DEPDC1B: variants seen among roughly 807,000 people sequenced by gnomAD.
DEPDC1B encodes DEP domain containing 1B, also known as DEP domain-containing protein 1B.
A neutral mutation model predicts 66.5 loss-of-function variants in DEPDC1B; 51 were observed. The ratio of observed to expected loss-of-function variants is 0.77; its 90% CI spans 0.61 to 0.97. The LOEUF (loss-of-function observed/expected upper bound fraction) is 0.97, where lower values mean the gene tolerates loss of function less well. Ranked by LOEUF, DEPDC1B falls within the 50% of genes least tolerant of loss-of-function variation. The pLI, the probability that DEPDC1B is intolerant of heterozygous loss-of-function variation, is 0.00. For missense variants in DEPDC1B, 552 were observed against 637.1 expected (o/e 0.87, Z 1.44); for synonymous variants, 226 against 223.6 (o/e 1.01, Z -0.10).
chr5:60,677,322 ACACACTCTCT>A lies in DEPDC1B; in HGVS notation c.314+9630_314+9639del, dbSNP rs1480891963. On this transcript the variant is annotated intron_variant, in intron 2 of 10. Transcript: ENST00000265036. The stretch of plus-strand genomic sequence containing the variant: ...CACACACACACACACACACACACAC[ACACACTCTCT>A]CTCTCTCTCTCTCTCTCTCTCTCTC... 6.0e-4 allele frequency among the ~76,000 whole-genome samples: 60 copies of A among 99,654 alleles called. 2 individuals are homozygous for A. Among genetic ancestry groups the A allele is most frequent in the African/African-American group, 3.4e-3 (59 of 17,134 alleles). 65.4% of individuals were successfully genotyped at this position (99,654 alleles called of 152,430 possible).
rs1428419189 is a variant in DEPDC1B at position 60,644,803 on chromosome 5, G to A, written c.651C>T (p.Ile217=). The A allele has an allele frequency of 6.2e-7, 1 of 1,611,338 alleles. No homozygotes were observed. Among genetic ancestry groups the A allele is most frequent in the Admixed American group, 1.7e-5 (1 of 59,786 alleles). The change falls in exon 5 of 11, where the codon ATC becomes ATT. Residue 217 remains isoleucine, a synonymous_variant. Coordinates refer to ENST00000265036, the MANE Select transcript of DEPDC1B (RefSeq NM_018369.3). ...LDVKLVNSKF[I]IHNVYSVSKQ... ...TGCTAACACTATATACATTATGGATGATGAACTTCGAATTGACAAGTTTGA... is the reference window on the plus strand; with the variant it reads ...TGCTAACACTATATACATTATGGATAATGAACTTCGAATTGACAAGTTTGA...
At chr5:60,686,883 C>G (rs1044843548) in intron 2 of DEPDC1B, 79 bp downstream of exon 2, 3 of 1,544,442 alleles carry the variant, frequency 1.9e-6, no homozygotes, top group Non-Finnish European at 2.7e-6. Flanking sequence ...TCTTACACAT[C>G]AGGAAGCTTC....
At chr5:60,670,671 G>A (rs757352455) in intron 2 of DEPDC1B, among the ~76,000 whole-genome samples, 41 of 152,186 alleles carry the variant, frequency 2.7e-4, no homozygotes, top group Non-Finnish European at 4.8e-4. Context: ...ACTCTATATG[G>A]CATTGTATCC....
intron 9 of DEPDC1B, among the ~76,000 whole-genome samples, chr5:60,602,147 C>T (rs1752210333): frequency 1.0e-5 from 1 of 98,838 alleles, no homozygotes; most frequent in Non-Finnish European, 1.8e-5. Context: ...AAGAAGGAAG[C>T]AGGGAAGGTG....
intron 7 of DEPDC1B, among the ~76,000 whole-genome samples, chr5:60,622,105 T>C (rs1584038076): frequency 6.6e-6 from 1 of 152,124 alleles, no homozygotes; most frequent in Non-Finnish European, 1.5e-5. Context: ...ACTACAAAAA[T>C]GTACCCATTT....
intron 2 of DEPDC1B, among the ~76,000 whole-genome samples, chr5:60,684,659 T>C (rs1754372478): frequency 1.3e-5 from 2 of 152,054 alleles, no homozygotes; most frequent in Non-Finnish European, 2.9e-5. Context: ...ACAGGGGAAA[T>C]GTTTCAAGGA....
chr5:60,700,108 A>C lies in DEPDC1B; in HGVS notation c.-15T>G, dbSNP rs1440055031. The C allele has an allele frequency of 1.9e-6, 3 of 1,545,098 alleles. No homozygotes were observed. The highest frequency in any genetic ancestry group is 1.2e-5 in the South Asian group (1 of 83,958). On this transcript the variant is annotated 5_prime_UTR_variant, in exon 1 of 11. Coordinates refer to ENST00000265036, the MANE Select transcript of DEPDC1B (RefSeq NM_018369.3). ...CGATGCTCCATGGCGCGTAGGCAGC[A>C]GCGGCCGCAGCCGCGCCAGCGCTGA...
chr5:60,603,647 A>G (rs1257157918), intron 8 of DEPDC1B, 80 bp from the exon 9 acceptor site: 1 of 1,403,056 alleles, frequency 7.1e-7, no homozygotes, highest in African/African-American at 1.4e-5. Flanking sequence ...CAAAAGGCAA[A>G]TATGAGAAAT....
intron 7 of DEPDC1B, among the ~76,000 whole-genome samples, chr5:60,619,746 A>G (rs1752657563): frequency 6.6e-6 from 1 of 152,246 alleles, no homozygotes; most frequent in African/African-American, 2.4e-5. Context: ...TGCCATCCCC[A>G]TCAAGCTACC....
In DEPDC1B at chr5:60,597,671, C is replaced by T; in HGVS notation, c.*82G>A. 3 of 1,420,164 alleles carry T rather than the reference C, an allele frequency of 2.1e-6. No individual in the cohort carries two copies. The highest frequency in any genetic ancestry group is 1.4e-5 in the South Asian group (1 of 73,830). 88.0% of individuals were successfully genotyped at this position (1,420,164 alleles called of 1,614,324 possible). Reference sequence around the variant, plus strand: ...CTTTGTTTTATGCTTTTCTTTCTTCCACCACCAAAGTCTTTCTCCTAACCA... The same window carrying T: ...CTTTGTTTTATGCTTTTCTTTCTTCTACCACCAAAGTCTTTCTCCTAACCA... On this transcript the variant is annotated 3_prime_UTR_variant, in exon 11 of 11. Coordinates refer to ENST00000265036, the MANE Select transcript of DEPDC1B (RefSeq NM_018369.3).
Position 60,676,129 on chromosome 5 carries a change from AC to A in DEPDC1B, c.314+10832del, listed in dbSNP as rs375386239. Among the ~76,000 whole-genome samples the A allele has an allele frequency of 3.2e-3, 483 of 151,160 alleles. 3 individuals are homozygous for A. The highest frequency in any genetic ancestry group is 0.011 in the African/African-American group (467 of 41,152). ...GTATTTTTAGTAAAGACGGGATTTC[AC>A]TGTGTTAGCCAGGATGGTCTCGATC... On this transcript the variant is annotated intron_variant, in intron 2 of 10. Transcript: ENST00000265036.
At position 60,608,813 on chromosome 5, in the gene DEPDC1B, T is replaced by A. The variant is rs556701286; in HGVS notation, c.899-2957A>T. 3.9e-5 allele frequency among the ~76,000 whole-genome samples: 6 copies of A among 152,232 alleles called. No homozygotes were observed. In the East Asian group the frequency reaches 1.2e-3, roughly 30 times the overall value. Reference sequence around the variant, plus strand: ...GAGTAGATAATAATTTCAGACTTTATGAAAATTAAATGAGGCTAGGCATGG... The same window carrying A: ...GAGTAGATAATAATTTCAGACTTTAAGAAAATTAAATGAGGCTAGGCATGG... On this transcript the variant is annotated intron_variant, in intron 7 of 10. Coordinates refer to ENST00000265036, the MANE Select transcript of DEPDC1B (RefSeq NM_018369.3).
intron 4 of DEPDC1B, among the ~76,000 whole-genome samples, chr5:60,645,158 A>G (rs1256820236): frequency 6.6e-6 from 1 of 152,208 alleles, no homozygotes; most frequent in Non-Finnish European, 1.5e-5. Flanking sequence ...ATCCAATGAT[A>G]AGAAACTACT....
chr5:60,600,593 G>C (rs891301227), intron 9 of DEPDC1B, among the ~76,000 whole-genome samples: 4 of 152,172 alleles, frequency 2.6e-5, no homozygotes, highest in Non-Finnish European at 5.9e-5. Context: ...TGGAACAGGT[G>C]CTTGGCAATT....
intron 1 of DEPDC1B, among the ~76,000 whole-genome samples, chr5:60,694,776 C>G (rs1754618590): frequency 6.6e-6 from 1 of 152,160 alleles, no homozygotes; most frequent in African/African-American, 2.4e-5. Flanking sequence ...CGATTTTGTT[C>G]AGCTCAATAT....
intron 7 of DEPDC1B, among the ~76,000 whole-genome samples, chr5:60,618,221 A>C (rs1752610425): frequency 1.3e-5 from 2 of 152,186 alleles, no homozygotes; most frequent in African/African-American, 2.4e-5. Context: ...CATCACAATT[A>C]AAAGAACTAG....
At chr5:60,606,609 CAAAAAAA>C (rs60544270) in intron 7 of DEPDC1B, among the ~76,000 whole-genome samples, 38 of 46,626 alleles carry the variant, frequency 8.1e-4, no homozygotes, top group South Asian at 2.3e-3. Context: ...CCCATTTCTA[CAAAAAAA>C]AAAAAAAAAA....
intron 10 of DEPDC1B, among the ~76,000 whole-genome samples, chr5:60,598,135 T>C (rs72755140): frequency 0.024 from 3,677 of 152,232 alleles, 64 homozygotes; most frequent in Admixed American, 0.053. Flanking sequence ...TTCCCCCCAC[T>C]GCCAACTATA....
chr5:60,657,159 G>A (rs974877858), intron 2 of DEPDC1B, among the ~76,000 whole-genome samples: 3 of 152,032 alleles, frequency 2.0e-5, no homozygotes, highest in African/African-American at 4.8e-5. Context: ...TTTCTACCCC[G>A]TTACCTTTAG....
Sources: allele counts gnomAD v4.1 joint callset (sites outside exome capture counted in the v4.1 genomes callset), GRCh38; gene constraint gnomAD v4.1.1; transcripts MANE v1.5; gene names NCBI Gene and HGNC (gene_info 2026-07-23, HGNC 2026-07-21).